PMFBP1: variants seen among roughly 807,000 people sequenced by gnomAD.
The protein encoded by PMFBP1 is polyamine modulated factor 1 binding protein 1.
PMFBP1 carries 131 observed loss-of-function variants against 137.8 expected under a neutral mutation model. The ratio of observed to expected loss-of-function variants is 0.95; its 90% CI spans 0.82 to 1.10. PMFBP1 has a LOEUF of 1.10. PMFBP1 is among the 50% of genes least tolerant of loss of function. PMFBP1 has a pLI of 0.00. For missense variants in PMFBP1, 1,199 were observed against 1,175.4 expected (o/e 1.02, Z -0.29); for synonymous variants, 490 against 450.4 (o/e 1.09, Z -1.11).
In PMFBP1 at chr16:72,125,158, T is replaced by C. The variant is rs1212887111; in HGVS notation, c.2421+80A>G. ...CTAGCAGCCCAAGGGAATGACTTAG[T>C]GCTAAATAATTCTGGATGCAAGAGG... On this transcript the variant is annotated intron_variant, in intron 16 of 20. Coordinates refer to ENST00000237353, the MANE Select transcript of PMFBP1 (RefSeq NM_031293.3). 4.0e-6 allele frequency: 6 copies of C among 1,517,940 alleles called. No homozygotes were observed. In the African/African-American group the frequency reaches 7.0e-5, roughly 18 times the overall value. The allele number at this position is 1,517,940 out of a possible 1,614,324, so 94.0% of individuals were successfully genotyped here. A position where few individuals can be genotyped will look rare whatever the true frequency, so the allele number is the denominator to read the frequency against.
chr16:72,162,401 C>G (rs1235368535), intron 3 of PMFBP1, among the ~76,000 whole-genome samples: 1 of 152,230 alleles, frequency 6.6e-6, no homozygotes, highest in African/African-American at 2.4e-5. Context: ...CCCTGCCACT[C>G]CTTTTGTTAT....
the PMFBP1 span, among the ~76,000 whole-genome samples, chr16:72,227,572 C>A: frequency 6.6e-6 from 1 of 152,030 alleles, no homozygotes; most frequent in African/African-American, 2.4e-5. Context: ...GATATTTCCC[C>A]ATATTATTAA....
At chr16:72,247,798 G>A in the PMFBP1 span, among the ~76,000 whole-genome samples, 1 of 152,070 alleles carries the variant, frequency 6.6e-6, no homozygotes, top group Non-Finnish European at 1.5e-5. Context: ...GAGATTTTAT[G>A]TATATCTCTT....
chr16:72,118,119 T>C (rs943945051), downstream of PMFBP1, among the ~76,000 whole-genome samples: 3 of 152,268 alleles, frequency 2.0e-5, no homozygotes, highest in Non-Finnish European at 2.9e-5. Context: ...TGGTAAATTA[T>C]AGAGATAAAA....
At chr16:72,141,348 T>A (rs765545324) in intron 5 of PMFBP1, among the ~76,000 whole-genome samples, 4 of 152,226 alleles carry the variant, frequency 2.6e-5, no homozygotes, top group Non-Finnish European at 5.9e-5. Flanking sequence ...CTTTTAAAAT[T>A]AATTTCAAAT....
At chr16:72,186,622 G>A in the PMFBP1 span, among the ~76,000 whole-genome samples, 1 of 152,128 alleles carries the variant, frequency 6.6e-6, no homozygotes, top group African/African-American at 2.4e-5. Flanking sequence ...GTGGGAGACC[G>A]AATAGACAGA....
chr16:72,177,142 C>T (rs1303636156), upstream of PMFBP1, among the ~76,000 whole-genome samples: 1 of 152,186 alleles, frequency 6.6e-6, no homozygotes, highest in Admixed American at 6.5e-5. Context: ...TTGCCATTAT[C>T]ATTGACTGAC....
At chr16:72,191,362 G>T in the PMFBP1 span, among the ~76,000 whole-genome samples, 1 of 152,146 alleles carries the variant, frequency 6.6e-6, no homozygotes, top group African/African-American at 2.4e-5. Context: ...TTCCAGAAAG[G>T]TCAGGCACAT....
rs978424271 is a variant in PMFBP1, at chr16:72,119,098, G to A, written c.*240C>T. On this transcript the variant is annotated 3_prime_UTR_variant, in exon 21 of 21. Transcript: ENST00000237353. ...ACGCCAACAGCTCACCACAACTGCT[G>A]TGCTCATGCTCATGTCTTTATTTCA... is the stretch of plus-strand genomic sequence containing the variant. 32 of 487,724 alleles carry A rather than the reference G, an allele frequency of 6.6e-5. No homozygotes were observed. The highest frequency in any genetic ancestry group is 8.4e-5 in the Non-Finnish European group (23 of 274,302). 30.2% of individuals were successfully genotyped at this position (487,724 alleles called of 1,614,324 possible).
At chr16:72,139,157 G>A in intron 7 of PMFBP1, 132 bp downstream of exon 7, 1 of 686,314 alleles carries the variant, frequency 1.5e-6, no homozygotes, top group Non-Finnish European at 2.4e-6. Context: ...TTGTGGCAGG[G>A]CCAACCAAGC....
chr16:72,210,148 C>T, the PMFBP1 span, among the ~76,000 whole-genome samples: 8 of 152,154 alleles, frequency 5.3e-5, no homozygotes, highest in Non-Finnish European at 1.0e-4. Flanking sequence ...GGGACTCTGA[C>T]GGATGCAGCG....
chr16:72,195,969 A>G, the PMFBP1 span, among the ~76,000 whole-genome samples: 1 of 147,002 alleles, frequency 6.8e-6, no homozygotes, highest in African/African-American at 2.5e-5. Flanking sequence ...TCTCTCTCTC[A>G]GAGCTTACAG....
chr16:72,157,137 C>G (rs2042993225), intron 3 of PMFBP1, among the ~76,000 whole-genome samples: 1 of 142,994 alleles, frequency 7.0e-6, no homozygotes. Context: ...TGCAGTGAGA[C>G]CACACCACTG....
At chr16:72,240,457 G>A in the PMFBP1 span, among the ~76,000 whole-genome samples, 1 of 152,246 alleles carries the variant, frequency 6.6e-6, no homozygotes, top group African/African-American at 2.4e-5. Context: ...TAGAATTCCT[G>A]ACTAGGCAGA....
upstream of PMFBP1, among the ~76,000 whole-genome samples, chr16:72,175,641 C>CT (rs1168542525): frequency 6.6e-6 from 1 of 152,106 alleles, no homozygotes; most frequent in Non-Finnish European, 1.5e-5. Flanking sequence ...GAAAGAGATG[C>CT]TTTTTTGGTT....
the PMFBP1 span, among the ~76,000 whole-genome samples, chr16:72,234,286 C>T: frequency 2.6e-5 from 4 of 152,298 alleles, 1 homozygote. Flanking sequence ...GAGAACAAAT[C>T]ATCCGACAGT....
At chr16:72,124,625 G>T in intron 17 of PMFBP1, 142 bp downstream of exon 17, 5 of 1,012,994 alleles carry the variant, frequency 4.9e-6, no homozygotes, top group Non-Finnish European at 7.3e-6. Flanking sequence ...TGTGGCTCTT[G>T]CTTTGTGCTA....
At chr16:72,138,324 C>T (rs1193401329) in intron 7 of PMFBP1, among the ~76,000 whole-genome samples, 1 of 152,152 alleles carries the variant, frequency 6.6e-6, no homozygotes, top group Non-Finnish European at 1.5e-5. Context: ...TGTTTACTCC[C>T]TCTGCCACCC....
the PMFBP1 span, among the ~76,000 whole-genome samples, chr16:72,197,993 G>C: frequency 1.3e-5 from 2 of 152,128 alleles, no homozygotes. Context: ...TTCCCTTCTT[G>C]TTGGCAGATG....
Sources: gnomAD v4.1 joint callset for allele counts (sites outside exome capture counted in the v4.1 genomes callset) on GRCh38, gnomAD v4.1.1 for gene constraint, MANE v1.5 for transcripts, NCBI Gene and HGNC (gene_info 2026-07-23, HGNC 2026-07-21) for gene names.